The following EPHA6 variants were observed in gnomAD, a reference collection of about 807,000 sequenced individuals.
The protein encoded by EPHA6 is EPH receptor A6.
In EPHA6, 50 loss-of-function variants were observed where a neutral mutation model predicts 112.0. The observed-to-expected ratio is 0.45, with a 90% confidence interval of 0.36 to 0.56. The LOEUF is 0.56. Ranked by LOEUF, EPHA6 falls within the 20% of genes least tolerant of loss-of-function variation. The pLI, the probability that EPHA6 is intolerant of heterozygous loss-of-function variation, is 0.00. For synonymous variants in EPHA6, 529 were observed against 490.7 expected (o/e 1.08, Z -1.03); for missense variants, 1,280 against 1,417.4 (o/e 0.90, Z 1.56).
At position 97,613,538 on chromosome 3, in the gene EPHA6, A is replaced by G. The variant is rs1233370686; in HGVS notation, c.2574+2684A>G. On this transcript the variant is annotated intron_variant, in intron 13 of 17. Transcript: ENST00000389672. ...CAGTGCTGGTTGCTGGCTGGCTGTC[A>G]TATTGCACTGGATTCATCAATCTCA... Among the ~76,000 whole-genome samples the G allele has an allele frequency of 2.6e-5, 4 of 152,242 alleles. No homozygotes were observed. The East Asian group carries it at 5.8e-4, about 22-fold the overall frequency.
At chr3:97,363,467 TCAAGTCTCTTTTAG>T (rs971032202) in intron 5 of EPHA6, among the ~76,000 whole-genome samples, 1 of 151,462 alleles carries the variant, frequency 6.6e-6, no homozygotes, top group African/African-American at 2.4e-5. Context: ...ATAATTAACC[TCAAGTCTCTTTTAG>T]CAAATCAATG....
At chr3:97,286,667 G>A (rs957308357) in intron 5 of EPHA6, among the ~76,000 whole-genome samples, 13 of 151,032 alleles carry the variant, frequency 8.6e-5, no homozygotes, top group African/African-American at 3.1e-4. Context: ...GTCAGGTGGT[G>A]TGAAGCCTCA....
chr3:96,862,458 A>G (rs2036062538), intron 1 of EPHA6, among the ~76,000 whole-genome samples: 1 of 151,934 alleles, frequency 6.6e-6, no homozygotes, highest in Admixed American at 6.6e-5. Context: ...ACATGTATTT[A>G]TGATTGTCTG....
At chr3:97,291,428 C>T (rs912827001) in intron 5 of EPHA6, among the ~76,000 whole-genome samples, 48 of 152,090 alleles carry the variant, frequency 3.2e-4, no homozygotes, top group Non-Finnish European at 5.6e-4. Flanking sequence ...ATATGATCTG[C>T]CTAATGCTGA....
In EPHA6 at chr3:97,084,537, C is replaced by A. The variant is rs146786230; in HGVS notation, c.1114+96544C>A. Among the ~76,000 whole-genome samples the A allele has an allele frequency of 4.3e-3, 652 of 152,112 alleles. 2 individuals carry two copies. Among genetic ancestry groups the A allele is most frequent in the Non-Finnish European group, 5.9e-3 (402 of 67,946 alleles). ...AGGCAAAACTTTAACTTTATCCAGA[C>A]AGTACCAATCATTGTTTCAGGATAC... On this transcript the variant is annotated intron_variant, in intron 3 of 17. Coordinates refer to ENST00000389672, the MANE Select transcript of EPHA6 (RefSeq NM_001080448.3).
At chr3:97,575,468 C>G (rs2093373517) in intron 11 of EPHA6, among the ~76,000 whole-genome samples, 1 of 152,042 alleles carries the variant, frequency 6.6e-6, no homozygotes, top group Non-Finnish European at 1.5e-5. Context: ...TAAAAATTCA[C>G]AAAGTAAAAC....
intron 5 of EPHA6, among the ~76,000 whole-genome samples, chr3:97,373,703 A>G (rs982721539): frequency 2.0e-5 from 3 of 152,128 alleles, no homozygotes; most frequent in Admixed American, 6.6e-5. Context: ...ATCATTTTTA[A>G]AGAAAATATA....
intron 14 of EPHA6, among the ~76,000 whole-genome samples, chr3:97,686,070 C>G (rs943130145): frequency 1.3e-5 from 2 of 152,036 alleles, no homozygotes; most frequent in African/African-American, 4.8e-5. Context: ...AACAATATAG[C>G]TTAAACTCTC....
intron 2 of EPHA6, among the ~76,000 whole-genome samples, chr3:96,913,161 T>TACACACACACACACACACAC (rs768422240): frequency 1.6e-5 from 2 of 123,166 alleles, no homozygotes; most frequent in African/African-American, 6.1e-5. Context: ...AGACCCCGTC[T>TACACACACACACACACACAC]ACACACACAC....
chr3:97,441,650 A>C, intron 6 of EPHA6, among the ~76,000 whole-genome samples: 1 of 152,078 alleles, frequency 6.6e-6, no homozygotes, highest in East Asian at 1.9e-4. Context: ...TTATAGATGA[A>C]GTTATATAGG....
intron 2 of EPHA6, among the ~76,000 whole-genome samples, chr3:96,908,313 A>T (rs1009982427): frequency 1.3e-5 from 2 of 151,918 alleles, no homozygotes; most frequent in African/African-American, 2.4e-5. Context: ...ACTAACTACT[A>T]ATTTTTTCTA....
rs182217099 is a variant in EPHA6 at position 97,592,540 on chromosome 3, T to C, written c.2387-72T>C. On this transcript the variant is annotated intron_variant, in intron 11 of 17. Coordinates refer to ENST00000389672, the MANE Select transcript of EPHA6 (RefSeq NM_001080448.3). ...TGATGTCTTTGTTGATTTTAGGTTT[T>C]ATTCCATGTAAATGATCAATGCTTT... 20 of 1,568,746 alleles carry C rather than the reference T, an allele frequency of 1.3e-5. 1 individual carries two copies. In the Admixed American group the frequency reaches 3.0e-4, roughly 24 times the overall value.
intron 1 of EPHA6, among the ~76,000 whole-genome samples, chr3:96,824,437 A>G (rs1001045677): frequency 2.0e-5 from 3 of 151,678 alleles, no homozygotes; most frequent in Admixed American, 1.3e-4. Flanking sequence ...TTTTCCTTTT[A>G]TATAAACATT....
At chr3:96,818,850 A>G (rs532112870) in intron 1 of EPHA6, among the ~76,000 whole-genome samples, 14 of 152,110 alleles carry the variant, frequency 9.2e-5, no homozygotes, top group African/African-American at 3.1e-4. Context: ...AACTATTTAT[A>G]GTTGTAAGGG....
chr3:97,340,130 T>C (rs1168685069), intron 5 of EPHA6, among the ~76,000 whole-genome samples: 1 of 152,264 alleles, frequency 6.6e-6, no homozygotes, highest in East Asian at 1.9e-4. Flanking sequence ...GATAAGACTC[T>C]TATTTCAAAC....
intron 14 of EPHA6, among the ~76,000 whole-genome samples, chr3:97,675,286 C>G (rs1437930010): frequency 6.6e-6 from 1 of 151,976 alleles, no homozygotes; most frequent in Non-Finnish European, 1.5e-5. Context: ...CAAAACCAAC[C>G]TGGCCACCAT....
At chr3:97,140,026 G>GA (rs2075860386) in intron 3 of EPHA6, among the ~76,000 whole-genome samples, 1 of 151,974 alleles carries the variant, frequency 6.6e-6, no homozygotes, top group African/African-American at 2.4e-5. Flanking sequence ...GTCTGGAAAT[G>GA]AAAAATTCAC....
At chr3:97,010,346 A>G (rs893561411) in intron 3 of EPHA6, among the ~76,000 whole-genome samples, 5 of 152,200 alleles carry the variant, frequency 3.3e-5, no homozygotes, top group Admixed American at 1.3e-4. Context: ...ATTCATTTAC[A>G]TATTATCTGT....
rs1033495274 is a variant in EPHA6, at chr3:97,524,707, TGA to T, written c.2201-7650_2201-7649del. On this transcript the variant is annotated intron_variant, in intron 10 of 17. Coordinates refer to ENST00000389672, the MANE Select transcript of EPHA6 (RefSeq NM_001080448.3). ...AGCTTTTGTTTGTCTTAGAATGTCTTGATCTCATTTTTCATTTCTGAAGGACT... is the reference window on the plus strand; with the variant it reads ...AGCTTTTGTTTGTCTTAGAATGTCTTTCTCATTTTTCATTTCTGAAGGACT... Among the ~76,000 whole-genome samples the T allele has an allele frequency of 3.9e-5, 6 of 152,288 alleles. No homozygotes were observed. In the South Asian group the frequency reaches 1.0e-3, roughly 26 times the overall value.
Sources: gnomAD v4.1 joint callset for allele counts (sites outside exome capture counted in the v4.1 genomes callset) on GRCh38, gnomAD v4.1.1 for gene constraint, MANE v1.5 for transcripts, NCBI Gene and HGNC (gene_info 2026-07-23, HGNC 2026-07-21) for gene names.